The following AMZ1 variants were observed in gnomAD, a reference collection of about 807,000 sequenced individuals.
AMZ1 encodes the protein archaemetzincin-1.
Under a neutral mutation model 29.9 loss-of-function variants are expected in AMZ1, and 39 were observed. The observed-to-expected ratio is 1.30, with a 90% confidence interval of 1.01 to 1.70. AMZ1 has a LOEUF of 1.70. Ranked by LOEUF, AMZ1 falls within the 40% of genes most tolerant of loss-of-function variation. AMZ1 has a pLI of 0.00. For missense variants in AMZ1, 1,041 were observed against 680.6 expected (o/e 1.53, Z -5.89); for synonymous variants, 458 against 304.0 (o/e 1.51, Z -5.27).
chr7:2,755,205 C>T (rs1249633289), intron 4 of AMZ1, among the ~76,000 whole-genome samples: 1 of 152,210 alleles, frequency 6.6e-6, no homozygotes, highest in Non-Finnish European at 1.5e-5. Context: ...AGAGTGGCCC[C>T]TCCCACTTTA....
intron 2 of AMZ1, 120 bp from the exon 3 acceptor site, chr7:2,702,602 C>T: frequency 8.6e-7 from 1 of 1,165,244 alleles, no homozygotes; most frequent in Non-Finnish European, 1.2e-6. Flanking sequence ...TGCTTGCTGT[C>T]AGGGTAGGTC....
chr7:2,733,379 GGAC>G, intron 4 of AMZ1: 1 of 1,239,628 alleles, frequency 8.1e-7, no homozygotes, highest in African/African-American at 1.7e-5. Flanking sequence ...CTCACAACGT[GGAC>G]TGCTTTGGTC....
At chr7:2,748,669 T>C (rs1375245894) in intron 4 of AMZ1, among the ~76,000 whole-genome samples, 4 of 152,174 alleles carry the variant, frequency 2.6e-5, no homozygotes, top group African/African-American at 7.2e-5. Context: ...TGGGATCTAA[T>C]TAAACTAAAG....
intron 4 of AMZ1, among the ~76,000 whole-genome samples, chr7:2,736,304 T>C (rs1790172390): frequency 6.6e-6 from 1 of 152,146 alleles, no homozygotes; most frequent in South Asian, 2.1e-4. Flanking sequence ...GGATCCAAAG[T>C]GGGCTCTCGG....
intron 1 of AMZ1, among the ~76,000 whole-genome samples, chr7:2,689,763 C>A (rs900440848): frequency 3.3e-5 from 5 of 152,246 alleles, no homozygotes; most frequent in Non-Finnish European, 7.3e-5. Flanking sequence ...GGGGGACACA[C>A]TGTGACAGGG....
chr7:2,724,353 G>T (rs760328990), downstream of AMZ1, among the ~76,000 whole-genome samples: 1 of 152,254 alleles, frequency 6.6e-6, no homozygotes, highest in Non-Finnish European at 1.5e-5. Flanking sequence ...ACGACAAATA[G>T]GTGGGGTTAC....
chr7:2,708,541 G>A (rs2115156969), intron 3 of AMZ1, 47 bp from the exon 4 acceptor site: 1 of 1,606,122 alleles, frequency 6.2e-7, no homozygotes, highest in Non-Finnish European at 8.5e-7. Context: ...GGAAGATGGG[G>A]GTCCCCGGCT....
intron 1 of AMZ1, among the ~76,000 whole-genome samples, chr7:2,690,131 G>C (rs2041342): frequency 6.6e-6 from 1 of 152,038 alleles, no homozygotes; most frequent in Non-Finnish European, 1.5e-5. Flanking sequence ...GGAGCTAAGC[G>C]TTCTCATTCC....
intron 4 of AMZ1, among the ~76,000 whole-genome samples, chr7:2,758,552 T>C (rs1454277176): frequency 6.6e-6 from 1 of 152,116 alleles, no homozygotes; most frequent in Non-Finnish European, 1.5e-5. Context: ...TGGGCGACTT[T>C]CAGCTAAGCC....
In AMZ1 at chr7:2,719,343, G is replaced by C. The variant is rs1273559014; in HGVS notation, c.*6465G>C. Among the ~76,000 whole-genome samples, 1 of 152,206 alleles carries C rather than the reference G, an allele frequency of 6.6e-6. No homozygotes were observed. Among genetic ancestry groups the C allele is most frequent in the East Asian group, 1.9e-4 (1 of 5,182 alleles). ...GTCTGTCACGGACCCCCAAGCAGGA[G>C]CAATGCCTAAAGAGGGCAAAGGCCC... On this transcript the variant is annotated 3_prime_UTR_variant, in exon 7 of 7. Transcript: ENST00000683327.
Position 2,717,652 on chromosome 7 carries a change from G to A in AMZ1, c.*4774G>A, listed in dbSNP as rs965980383. On this transcript the variant is annotated 3_prime_UTR_variant, in exon 7 of 7. Coordinates refer to ENST00000683327, the MANE Select transcript of AMZ1 (RefSeq NM_001384743.1). ...GCAGGGTAATCTAGGAAACACTTCCGGCTTGACTGTAAAGAGCCCTGGCCT... is the reference window on the plus strand; with the variant it reads ...GCAGGGTAATCTAGGAAACACTTCCAGCTTGACTGTAAAGAGCCCTGGCCT... Among the ~76,000 whole-genome samples the A allele has an allele frequency of 1.3e-5, 2 of 152,208 alleles. No homozygotes were observed. The highest frequency in any genetic ancestry group is 2.4e-5 in the African/African-American group (1 of 41,446).
chr7:2,710,364 G>C (rs566687791), intron 6 of AMZ1, among the ~76,000 whole-genome samples: 13 of 152,244 alleles, frequency 8.5e-5, no homozygotes, highest in Non-Finnish European at 1.8e-4. Flanking sequence ...TGAGTTCTGA[G>C]TGCAAAGGCA....
chr7:2,729,203 A>C (rs1010499154), intron 4 of AMZ1: 3 of 152,366 alleles, frequency 2.0e-5, no homozygotes, highest in South Asian at 2.1e-4. Context: ...TCTGGATTCT[A>C]ACACACACAG....
chr7:2,711,376 T>C (rs1433550267), intron 6 of AMZ1, among the ~76,000 whole-genome samples: 1 of 152,236 alleles, frequency 6.6e-6, no homozygotes, highest in African/African-American at 2.4e-5. Context: ...TTGTGGTCTC[T>C]GCCACTTCCT....
At chr7:2,712,301 C>T (rs983930998) in intron 6 of AMZ1, 29 bp from the exon 7 acceptor site, 49 of 1,527,222 alleles carry the variant, frequency 3.2e-5, no homozygotes, top group Non-Finnish European at 4.2e-5. Flanking sequence ...TGGCACGGAG[C>T]AAACTCAGCC....
At position 2,713,826 on chromosome 7, in the gene AMZ1, G is replaced by C. The variant is rs1330400808; in HGVS notation, c.*948G>C. ...CTCACCGTGGGGAAGATCAACTGTG[G>C]TGATGTTTTTGGGACAGTTTCTTGG... On this transcript the variant is annotated 3_prime_UTR_variant, in exon 7 of 7. Coordinates refer to ENST00000683327, the MANE Select transcript of AMZ1 (RefSeq NM_001384743.1). 1.5e-4 allele frequency: 23 copies of C among 152,312 alleles called. No homozygotes were observed. Among genetic ancestry groups the C allele is most frequent in the Admixed American group, 1.5e-3 (23 of 15,286 alleles). The allele number at this position is 152,312 out of a possible 1,614,324, so 9.4% of individuals were successfully genotyped here. A position where few individuals can be genotyped will look rare whatever the true frequency, so the allele number is the denominator to read the frequency against.
At chr7:2,707,633 GC>G (rs1301258432) in intron 3 of AMZ1, among the ~76,000 whole-genome samples, 1 of 151,904 alleles carries the variant, frequency 6.6e-6, no homozygotes, top group Admixed American at 6.6e-5. Context: ...GGTCAGGAGC[GC>G]CCCCACTGCC....
intron 1 of AMZ1, among the ~76,000 whole-genome samples, chr7:2,688,661 A>T (rs1444658854): frequency 6.6e-6 from 1 of 152,118 alleles, no homozygotes; most frequent in African/African-American, 2.4e-5. Flanking sequence ...AAGCGCCCGA[A>T]AGAAGGCGTT....
At chr7:2,682,926 T>C (rs1583128416) in intron 1 of AMZ1, among the ~76,000 whole-genome samples, 2 of 152,216 alleles carry the variant, frequency 1.3e-5, no homozygotes, top group South Asian at 4.1e-4. Flanking sequence ...CATCTTGCTG[T>C]GCGGTGAAGC....
Sources: gnomAD v4.1 joint callset for allele counts (sites outside exome capture counted in the v4.1 genomes callset) on GRCh38, gnomAD v4.1.1 for gene constraint, MANE v1.5 for transcripts, NCBI Gene and HGNC (gene_info 2026-07-23, HGNC 2026-07-21) for gene names.